The following IQSEC1 variants were observed in gnomAD, a reference collection of about 807,000 sequenced individuals.
IQSEC1 encodes the protein IQ motif and SEC7 domain-containing protein 1.
IQSEC1 carries 31 observed loss-of-function variants against 91.0 expected under a neutral mutation model. The ratio of observed to expected loss-of-function variants is 0.34; its 90% CI spans 0.26 to 0.46. The LOEUF (loss-of-function observed/expected upper bound fraction) is 0.46. Ranked by LOEUF, IQSEC1 falls within the 20% of genes least tolerant of loss-of-function variation. The pLI is 1.00. For synonymous variants in IQSEC1, 699 were observed against 662.6 expected (o/e 1.05, Z -0.84); for missense variants, 1,388 against 1,575.6 (o/e 0.88, Z 2.02).
chr3:13,039,924 T>C (rs971067307), intron 1 of IQSEC1, among the ~76,000 whole-genome samples: 3 of 152,254 alleles, frequency 2.0e-5, no homozygotes, highest in African/African-American at 7.2e-5. Context: ...CGACTGGCCA[T>C]GAGCCCTTGG....
At chr3:13,218,253 C>T (rs566342637) in intron 1 of IQSEC1, among the ~76,000 whole-genome samples, 4 of 152,276 alleles carry the variant, frequency 2.6e-5, no homozygotes, top group Admixed American at 1.3e-4. Flanking sequence ...GGGTGGGGAG[C>T]GGCTGGACCT....
intron 1 of IQSEC1, among the ~76,000 whole-genome samples, chr3:13,165,578 G>GTGTGTGTGTCTGTC (rs1377649445): frequency 0.016 from 1,680 of 105,312 alleles, 35 homozygotes; most frequent in East Asian, 0.032. Flanking sequence ...GTGTGTGTGT[G>GTGTGTGTGTCTGTC]TGTCTGTCTG....
intron 1 of IQSEC1, among the ~76,000 whole-genome samples, chr3:13,276,894 T>C (rs1038416534): frequency 3.9e-5 from 6 of 152,074 alleles, no homozygotes; most frequent in African/African-American, 1.2e-4. Context: ...GGCAGCACAC[T>C]GGAGGCCGCT....
rs923685575 is a variant in IQSEC1, at chr3:12,967,602, T to G, written c.24-25737A>C. On this transcript the variant is annotated intron_variant, in intron 1 of 13. Transcript: ENST00000613206. The surrounding 1 kb of genome is among the most constrained non-coding windows in gnomAD (Gnocchi z 5.9). Reference sequence around the variant, plus strand: ...CGCCACGCGATCACGTCGGGGCTCCTGGTCCAGCGTCCGCCGGCTCCCGCG... The same window carrying G: ...CGCCACGCGATCACGTCGGGGCTCCGGGTCCAGCGTCCGCCGGCTCCCGCG... 8.0e-6 allele frequency: 10 copies of G among 1,252,508 alleles called. No individual in the cohort carries two copies. Among genetic ancestry groups the G allele is most frequent in the Non-Finnish European group, 1.0e-5 (10 of 1,000,434 alleles). The allele number at this position is 1,252,508 out of a possible 1,614,324, so 77.6% of individuals were successfully genotyped here.
intron 2 of IQSEC1, among the ~76,000 whole-genome samples, chr3:13,129,605 C>T (rs1482802872): frequency 6.7e-6 from 1 of 149,936 alleles, no homozygotes; most frequent in Non-Finnish European, 1.5e-5. Flanking sequence ...CTAATATTGG[C>T]ATTTAGTGCT....
intron 1 of IQSEC1, among the ~76,000 whole-genome samples, chr3:13,194,388 C>T (rs1674289939): frequency 6.6e-6 from 1 of 152,156 alleles, no homozygotes; most frequent in Non-Finnish European, 1.5e-5. Context: ...TATGCTCTGA[C>T]TCTCACTGGG....
intron 9 of IQSEC1, among the ~76,000 whole-genome samples, chr3:12,912,751 A>T (rs149479484): frequency 0.019 from 2,814 of 151,460 alleles, 48 homozygotes; most frequent in South Asian, 0.04. Flanking sequence ...ACAGAAATCC[A>T]AAGGACAAGC....
chr3:13,279,808 A>G (rs952139258), intron 1 of IQSEC1, among the ~76,000 whole-genome samples: 24 of 152,248 alleles, frequency 1.6e-4, no homozygotes, highest in Middle Eastern at 3.4e-3. Flanking sequence ...CAGGAAGTCA[A>G]TCCTGATGCT....
At chr3:13,092,819 C>T (rs1705887132) in intron 2 of IQSEC1, among the ~76,000 whole-genome samples, 1 of 152,228 alleles carries the variant, frequency 6.6e-6, no homozygotes, top group Non-Finnish European at 1.5e-5. Flanking sequence ...CCAGCCCCTC[C>T]TCACTCTGCT....
intron 1 of IQSEC1, among the ~76,000 whole-genome samples, chr3:12,964,626 C>G (rs960353631): frequency 6.6e-6 from 1 of 152,156 alleles, no homozygotes; most frequent in African/African-American, 2.4e-5. Flanking sequence ...TTCCCTTTCA[C>G]AGAAGGGGAA....
chr3:13,133,957 C>T (rs1706665874), intron 2 of IQSEC1, among the ~76,000 whole-genome samples: 1 of 152,342 alleles, frequency 6.6e-6, no homozygotes, highest in South Asian at 2.1e-4. Flanking sequence ...CCACCGTGGG[C>T]CCATGATGAC....
At chr3:13,033,481 C>T (rs1031084409) in intron 1 of IQSEC1, among the ~76,000 whole-genome samples, 1 of 151,850 alleles carries the variant, frequency 6.6e-6, no homozygotes, top group East Asian at 1.9e-4. Flanking sequence ...TCAGGGGTCT[C>T]CAGAGAAACA....
At chr3:13,273,229 G>C (rs1695617580) in intron 1 of IQSEC1, among the ~76,000 whole-genome samples, 1 of 152,140 alleles carries the variant, frequency 6.6e-6, no homozygotes, top group Admixed American at 6.5e-5. Context: ...CTGGCTCCTG[G>C]CCACCGTGCT....
intron 2 of IQSEC1, among the ~76,000 whole-genome samples, chr3:13,110,703 G>C (rs1706228947): frequency 6.6e-6 from 1 of 152,190 alleles, no homozygotes; most frequent in Non-Finnish European, 1.5e-5. Context: ...AGCCCTGCCT[G>C]CTACCTTGGG....
intron 1 of IQSEC1, among the ~76,000 whole-genome samples, chr3:13,265,215 C>T (rs1472212659): frequency 6.6e-6 from 1 of 152,222 alleles, no homozygotes; most frequent in Non-Finnish European, 1.5e-5. Flanking sequence ...TCCCTGCCGG[C>T]CCCACCACAG....
intron 1 of IQSEC1, among the ~76,000 whole-genome samples, chr3:13,170,241 T>C (rs1272048917): frequency 6.6e-6 from 1 of 152,378 alleles, no homozygotes; most frequent in South Asian, 2.1e-4. Flanking sequence ...GCAGCTTCCA[T>C]GTGGCATTGA....
At chr3:13,114,225 G>A (rs971876792) in intron 2 of IQSEC1, among the ~76,000 whole-genome samples, 2 of 152,176 alleles carry the variant, frequency 1.3e-5, no homozygotes, top group African/African-American at 4.8e-5. Context: ...CAGGATGCGG[G>A]TGGGGATACA....
At chr3:13,055,408 T>A (rs1704841280) in intron 1 of IQSEC1, among the ~76,000 whole-genome samples, 1 of 152,182 alleles carries the variant, frequency 6.6e-6, no homozygotes, top group Non-Finnish European at 1.5e-5. Context: ...AAATGATGCT[T>A]CATCCAATCT....
chr3:13,079,256 C>T (rs1018340158), intron 2 of IQSEC1, among the ~76,000 whole-genome samples: 1 of 152,232 alleles, frequency 6.6e-6, no homozygotes, highest in Non-Finnish European at 1.5e-5. Flanking sequence ...CCTGAGCCTT[C>T]CTAAACCTCA....
Sources: allele counts gnomAD v4.1 joint callset (sites outside exome capture counted in the v4.1 genomes callset), GRCh38; gene constraint gnomAD v4.1.1; non-coding constraint Gnocchi (gnomAD v3.1); transcripts MANE v1.5; gene names NCBI Gene and HGNC (gene_info 2026-07-23, HGNC 2026-07-21).